Variants in LEF1 observed in about 807,000 individuals in gnomAD.
The protein encoded by LEF1 is lymphoid enhancer-binding factor 1.
Under a neutral mutation model 51.2 loss-of-function variants are expected in LEF1, and 14 were observed. That is an observed-to-expected ratio of 0.27 (90% CI 0.18 to 0.43). LEF1 has a LOEUF of 0.43. LEF1 is among the 20% of genes least tolerant of loss of function. The pLI, the probability that LEF1 is intolerant of heterozygous loss-of-function variation, is 1.00. For missense variants in LEF1, 386 were observed against 512.0 expected, an observed-to-expected ratio of 0.75 and a Z score of 2.37; for synonymous variants, 185 against 183.2, an observed-to-expected ratio of 1.01 and a Z score of -0.08.
At chr4:108,099,228 T>C (rs572464804) in intron 3 of LEF1, among the ~76,000 whole-genome samples, 2 of 152,248 alleles carry the variant, frequency 1.3e-5, no homozygotes, top group Non-Finnish European at 2.9e-5. Context: ...TAAAATTACA[T>C]ATATGACTTG....
chr4:108,119,861 T>C (rs1310716934), intron 3 of LEF1, among the ~76,000 whole-genome samples: 1 of 152,176 alleles, frequency 6.6e-6, no homozygotes, highest in Non-Finnish European at 1.5e-5. Context: ...ATATTTATCA[T>C]ATTGGAAACT....
At chr4:108,103,887 C>T (rs1222250067) in intron 3 of LEF1, among the ~76,000 whole-genome samples, 1 of 152,124 alleles carries the variant, frequency 6.6e-6, no homozygotes, top group Non-Finnish European at 1.5e-5. Flanking sequence ...AAAAGGTAAA[C>T]ATAGAACTAC....
At chr4:108,132,230 A>G (rs1261728020) in intron 3 of LEF1, among the ~76,000 whole-genome samples, 1 of 152,128 alleles carries the variant, frequency 6.6e-6, no homozygotes, top group Admixed American at 6.5e-5. Flanking sequence ...CATTCTGGAG[A>G]CGATTCTGTT....
chr4:108,137,677 C>G (rs1296305537), intron 3 of LEF1, among the ~76,000 whole-genome samples: 1 of 152,124 alleles, frequency 6.6e-6, no homozygotes, highest in African/African-American at 2.4e-5. Flanking sequence ...TCTTGCTCAT[C>G]TCACCCATCA....
chr4:108,157,177 TATACACACACACACACAC>T (rs1361932170), intron 3 of LEF1, among the ~76,000 whole-genome samples: 1 of 89,332 alleles, frequency 1.1e-5, no homozygotes, highest in South Asian at 3.9e-4. Flanking sequence ...TCTATATATA[TATACACACACACACACAC>T]ACACACACAC....
intron 3 of LEF1, among the ~76,000 whole-genome samples, chr4:108,139,531 T>C (rs1327780060): frequency 6.6e-6 from 1 of 152,152 alleles, no homozygotes; most frequent in Non-Finnish European, 1.5e-5. Flanking sequence ...GGCTCCACAG[T>C]GGTTAGGGAG....
chr4:108,062,399 G>A (rs1737755358), intron 11 of LEF1, among the ~76,000 whole-genome samples: 1 of 152,184 alleles, frequency 6.6e-6, no homozygotes, highest in Non-Finnish European at 1.5e-5. Flanking sequence ...AGCATGTGCG[G>A]TGCCCTCTTG....
At chr4:108,132,421 T>C (rs1742955652) in intron 3 of LEF1, among the ~76,000 whole-genome samples, 1 of 152,042 alleles carries the variant, frequency 6.6e-6, no homozygotes, top group African/African-American at 2.4e-5. Context: ...TCGAGTCTCA[T>C]TTAGAGTCCT....
intron 3 of LEF1, among the ~76,000 whole-genome samples, chr4:108,118,346 A>T (rs993772637): frequency 6.6e-6 from 1 of 152,266 alleles, no homozygotes; most frequent in African/African-American, 2.4e-5. Context: ...ACATAAAAAT[A>T]CTCAACAGAT....
In LEF1 at chr4:108,131,994, C is replaced by T. The variant is rs139207299; in HGVS notation, c.414+31574G>A. 3.7e-3 allele frequency among the ~76,000 whole-genome samples: 568 copies of T among 152,142 alleles called. 3 individuals carry two copies. The highest frequency in any genetic ancestry group is 0.013 in the African/African-American group (532 of 41,524). On this transcript the variant is annotated intron_variant, in intron 3 of 11. Transcript: ENST00000265165. ...AAGGAAATTTCAAATTCAAGGTAAA[C>T]GTTTTTATTGACAATTTGGATGAGG... is the stretch of plus-strand genomic sequence containing the variant.
At chr4:108,087,425 T>C (rs2110263274) in intron 4 of LEF1, among the ~76,000 whole-genome samples, 1 of 152,194 alleles carries the variant, frequency 6.6e-6, no homozygotes, top group South Asian at 2.1e-4. Context: ...TGGAGAGTTT[T>C]TTTTTAAAAA....
At chr4:108,166,580 A>G in intron 1 of LEF1, 11 of 1,150,366 alleles carry the variant, frequency 9.6e-6, no homozygotes, top group Non-Finnish European at 1.1e-5. Flanking sequence ...TAGGCTTCAA[A>G]CAGCCCTCCA....
At chr4:108,058,612 G>A (rs1737463211) in intron 11 of LEF1, among the ~76,000 whole-genome samples, 1 of 152,084 alleles carries the variant, frequency 6.6e-6, no homozygotes, top group Non-Finnish European at 1.5e-5. Context: ...ATCTACCACA[G>A]GAAGCCTTCC....
chr4:108,090,721 C>T (rs1739965794), intron 3 of LEF1, among the ~76,000 whole-genome samples: 2 of 152,234 alleles, frequency 1.3e-5, no homozygotes, highest in Middle Eastern at 6.8e-3. Flanking sequence ...CATTAAAATT[C>T]TTCCCTTCTA....
intron 3 of LEF1, among the ~76,000 whole-genome samples, chr4:108,159,962 G>A (rs114270267): frequency 0.011 from 1,621 of 152,274 alleles, 33 homozygotes; most frequent in African/African-American, 0.036. Flanking sequence ...AGTTTGCAGC[G>A]CTACACTGAC....
intron 8 of LEF1, 78 bp from the exon 9 acceptor site, chr4:108,070,848 A>T: frequency 4.1e-6 from 4 of 977,994 alleles, no homozygotes; most frequent in Non-Finnish European, 6.3e-6. Flanking sequence ...AAAAATCAAA[A>T]AATGAAAATA....
At chr4:108,122,634 T>G (rs971450991) in intron 3 of LEF1, among the ~76,000 whole-genome samples, 3 of 152,098 alleles carry the variant, frequency 2.0e-5, no homozygotes, top group African/African-American at 7.2e-5. Context: ...TGCACCACCA[T>G]GCCCAGCTAA....
In LEF1 at chr4:108,089,248, C is replaced by G; in HGVS notation, c.424G>C (p.Val142Leu). 2 of 1,613,570 alleles carry G rather than the reference C, an allele frequency of 1.2e-6. No individual in the cohort carries two copies. The highest frequency in any genetic ancestry group is 1.7e-6 in the Non-Finnish European group (2 of 1,179,772). ...GCATGGGATGGCTGCACCACGGGCA[C>G]TTTATTTGACTGCAAAGTAACCACA... is the stretch of plus-strand genomic sequence containing the variant. ...SPPIPRTSNK[V>L]PVVQPSHAVH... is the part of the protein sequence containing the mutation. Residue 142 changes from valine (V) to leucine (L), a missense_variant, in exon 4 of 12, where the codon GTG (valine) becomes CTG (leucine). This residue lies in a region of LEF1 where 335 missense variants were observed against 390.7 expected (regional missense o/e 0.86). Transcript: ENST00000265165.
In LEF1 at chr4:108,064,349, C is replaced by T; in HGVS notation, c.1152G>A (p.Gln384=). The T allele has an allele frequency of 6.2e-7, 1 of 1,612,224 alleles. No homozygotes were observed. The highest frequency in any genetic ancestry group is 1.1e-5 in the South Asian group (1 of 91,000). Residue 384 remains glutamine (Q), a synonymous_variant, in exon 10 of 12, where the codon CAG becomes CAA. Coordinates refer to ENST00000265165, the MANE Select transcript of LEF1 (RefSeq NM_016269.5). ...KKKKRKREKL[Q]ESASGTGPRM... is the part of the protein sequence containing the mutation. ...CATGGTGCCTACCTGATGCAGATTC[C>T]TGTAGTTTCTCTCTCTTCCTCTTCT...
Sources: allele counts gnomAD v4.1 joint callset (sites outside exome capture counted in the v4.1 genomes callset), GRCh38; gene constraint gnomAD v4.1.1; regional missense constraint gnomAD v4.1.1; transcripts MANE v1.5; gene names NCBI Gene and HGNC (gene_info 2026-07-23, HGNC 2026-07-21).